KAZN: variants seen among roughly 807,000 people sequenced by gnomAD.
KAZN encodes the protein kazrin, periplakin interacting protein.
In KAZN, 40 loss-of-function variants were observed where a neutral mutation model predicts 87.4. That is an observed-to-expected ratio of 0.46 (90% CI 0.36 to 0.60). KAZN has a LOEUF of 0.60. Ranked by LOEUF, KAZN falls within the 20% of genes least tolerant of loss-of-function variation. The pLI is 0.00. For missense variants in KAZN, 898 were observed against 1,073.9 expected (o/e 0.84, Z 2.29); for synonymous variants, 466 against 458.3 (o/e 1.02, Z -0.22).
intron 2 of KAZN, among the ~76,000 whole-genome samples, chr1:14,563,874 CTTT>C (rs540880203): frequency 5.1e-5 from 5 of 97,916 alleles, no homozygotes; most frequent in Admixed American, 1.4e-4. Flanking sequence ...GTTCAAACTC[CTTT>C]TTTTTTTTTT....
intron 1 of KAZN, among the ~76,000 whole-genome samples, chr1:14,716,410 A>G (rs374184601): frequency 6.6e-6 from 1 of 152,218 alleles, no homozygotes; most frequent in Non-Finnish European, 1.5e-5. Flanking sequence ...GAGGGCATGC[A>G]GTCAGTTGAG....
rs150351284 is a variant in KAZN, at chr1:14,573,711, T to G, written c.250-25272T>G. Among the ~76,000 whole-genome samples, 887 of 152,190 alleles carry G rather than the reference T, an allele frequency of 5.8e-3. 15 individuals carry two copies. The highest frequency in any genetic ancestry group is 0.021 in the African/African-American group (855 of 41,534). ...AAAGAAAATGAGTCCAGGTCAGAACTTTAAAAGAAACAAAGCTAAAATATG... is the reference window on the plus strand; with the variant it reads ...AAAGAAAATGAGTCCAGGTCAGAACGTTAAAAGAAACAAAGCTAAAATATG... On this transcript the variant is annotated intron_variant, in intron 2 of 16. Transcript: ENST00000636203.
At chr1:14,338,806 A>C (rs1657470535) in intron 2 of KAZN, among the ~76,000 whole-genome samples, 2 of 152,314 alleles carry the variant, frequency 1.3e-5, no homozygotes, top group South Asian at 4.1e-4. Context: ...TCAGTACATA[A>C]GTGAGATGAA....
intron 1 of KAZN, among the ~76,000 whole-genome samples, chr1:14,179,105 A>G (rs1646142567): frequency 6.6e-6 from 1 of 152,122 alleles, no homozygotes; most frequent in Non-Finnish European, 1.5e-5. Context: ...CTTGCTGGTC[A>G]TGTAGAGTTT....
At chr1:14,960,117 A>C (rs955528161) in intron 1 of KAZN, among the ~76,000 whole-genome samples, 2 of 152,148 alleles carry the variant, frequency 1.3e-5, no homozygotes, top group Non-Finnish European at 1.5e-5. Context: ...TGTTTTGCAA[A>C]ATGTGTTGAA....
At chr1:14,853,915 A>T (rs1400493106) in intron 1 of KAZN, among the ~76,000 whole-genome samples, 1 of 152,232 alleles carries the variant, frequency 6.6e-6, no homozygotes, top group Non-Finnish European at 1.5e-5. Context: ...TCAGAGGAAG[A>T]GGAAAGTCAG....
chr1:14,905,429 G>A (rs189926344), intron 1 of KAZN, among the ~76,000 whole-genome samples: 3 of 152,312 alleles, frequency 2.0e-5, no homozygotes, highest in Admixed American at 6.5e-5. Context: ...ATGGGACGCA[G>A]TCACAAAGGC....
chr1:15,109,532 T>C (rs1641413919), intron 13 of KAZN, among the ~76,000 whole-genome samples: 1 of 152,228 alleles, frequency 6.6e-6, no homozygotes, highest in South Asian at 2.1e-4. Context: ...CAGTAAGATG[T>C]AATTGTAGCA....
chr1:14,550,043 T>A (rs1673407832), intron 2 of KAZN, among the ~76,000 whole-genome samples: 1 of 152,228 alleles, frequency 6.6e-6, no homozygotes, highest in Admixed American at 6.5e-5. Context: ...ATTAATTTAG[T>A]TTCTGGTTCC....
In KAZN at chr1:14,221,694, A is replaced by G. The variant is rs932132298; in HGVS notation, c.249+41102A>G. Among the ~76,000 whole-genome samples, 4 of 152,300 alleles carry G rather than the reference A, an allele frequency of 2.6e-5. No homozygotes were observed. The East Asian group carries it at 7.7e-4, about 29-fold the overall frequency. On this transcript the variant is annotated intron_variant, in intron 2 of 16. Transcript: ENST00000636203. ...CTATAATCAACCACCACTGAATGTC[A>G]TATCATTTCTCTACCTTTAAAGATC...
At chr1:14,931,449 TA>T (rs140516931) in intron 1 of KAZN, among the ~76,000 whole-genome samples, 2 of 150,748 alleles carry the variant, frequency 1.3e-5, no homozygotes, top group Admixed American at 6.6e-5. Flanking sequence ...ACTCTGTCTT[TA>T]AAAAAAAAGA....
chr1:14,720,695 C>G (rs551595288), intron 1 of KAZN, among the ~76,000 whole-genome samples: 2 of 152,272 alleles, frequency 1.3e-5, no homozygotes, highest in Admixed American at 1.3e-4. Flanking sequence ...GCAGGCTTTC[C>G]TGTTTTCATT....
intron 13 of KAZN, among the ~76,000 whole-genome samples, chr1:15,109,711 G>A (rs1264956831): frequency 6.7e-6 from 1 of 148,834 alleles, no homozygotes; most frequent in African/African-American, 2.4e-5. Context: ...GTATGAGCGT[G>A]TTTGTGTGTA....
intron 2 of KAZN, among the ~76,000 whole-genome samples, chr1:14,489,460 C>G (rs1249482513): frequency 2.6e-5 from 4 of 152,048 alleles, no homozygotes; most frequent in Non-Finnish European, 2.9e-5. Context: ...CTGGGCACAG[C>G]GGCTCATGCC....
intron 2 of KAZN, among the ~76,000 whole-genome samples, chr1:14,254,984 G>T (rs1346963682): frequency 6.6e-6 from 1 of 151,974 alleles, no homozygotes; most frequent in Admixed American, 6.6e-5. Context: ...AGCCAGGTGT[G>T]GTGGCATGTG....
chr1:14,624,871 A>T (rs1001345283), intron 1 of KAZN, among the ~76,000 whole-genome samples: 1 of 152,134 alleles, frequency 6.6e-6, no homozygotes. Context: ...ACCCAACAGC[A>T]AAAGACCTTA....
intron 1 of KAZN, among the ~76,000 whole-genome samples, chr1:14,900,121 C>T (rs185054854): frequency 1.3e-5 from 2 of 152,308 alleles, no homozygotes; most frequent in East Asian, 3.9e-4. Flanking sequence ...GCTGTCTGCT[C>T]ACCCCGATGG....
rs1174752945 is a variant in KAZN, at chr1:14,603,712, A to G, written c.226+4489A>G. ...GTCACATATCTTTCCAGGGTAAGGC[A>G]TGATAGGCCCTCTCTCCATCCCTTT... is the stretch of plus-strand genomic sequence containing the variant. On this transcript the variant is annotated intron_variant, in intron 1 of 14. Coordinates refer to ENST00000376030, the MANE Select transcript of KAZN (RefSeq NM_201628.3). 3.9e-5 allele frequency among the ~76,000 whole-genome samples: 6 copies of G among 152,184 alleles called. No homozygotes were observed. In the East Asian group the frequency reaches 7.7e-4, roughly 20 times the overall value.
intron 2 of KAZN, among the ~76,000 whole-genome samples, chr1:14,482,504 C>T (rs1014661128): frequency 3.3e-5 from 5 of 149,520 alleles, no homozygotes; most frequent in Admixed American, 3.3e-4. Flanking sequence ...ATTTGCTCAT[C>T]TGTAAAACAG....
Sources: gnomAD v4.1 joint callset for allele counts (sites outside exome capture counted in the v4.1 genomes callset) on GRCh38, gnomAD v4.1.1 for gene constraint, MANE v1.5 for transcripts, NCBI Gene and HGNC (gene_info 2026-07-23, HGNC 2026-07-21) for gene names.